The following FAM13B variants were observed in gnomAD, a reference collection of about 807,000 sequenced individuals.
FAM13B encodes family with sequence similarity 13 member B, also known as protein FAM13B.
A neutral mutation model predicts 117.3 loss-of-function variants in FAM13B; 60 were observed. The observed-to-expected ratio is 0.51, with a 90% CI of 0.42 to 0.63. FAM13B has a LOEUF of 0.63. Among genes scored for constraint, FAM13B ranks in the 30% least tolerant of loss-of-function variants. The pLI, the probability that FAM13B is intolerant of heterozygous loss-of-function variation, is 0.00. For missense variants in FAM13B, 972 were observed against 1,091.9 expected, an observed-to-expected ratio of 0.89 and a Z score of 1.55; for synonymous variants, 332 against 356.1, an observed-to-expected ratio of 0.93 and a Z score of 0.76.
intron 4 of FAM13B, among the ~76,000 whole-genome samples, chr5:138,016,610 G>A (rs934506071): frequency 6.6e-6 from 1 of 152,060 alleles, no homozygotes; most frequent in Admixed American, 6.6e-5. Flanking sequence ...CTCCAGCCTG[G>A]GCGACAGAGC....
chr5:137,972,195 T>C (rs1323152655), intron 10 of FAM13B, among the ~76,000 whole-genome samples: 6 of 149,252 alleles, frequency 4.0e-5, no homozygotes, highest in African/African-American at 1.2e-4. Context: ...TTGATGAACA[T>C]TGATGCAAAA....
At position 137,938,300 on chromosome 5, in the gene FAM13B, A is replaced by G. The variant is rs1760731679; in HGVS notation, c.*1925T>C. 6.6e-6 allele frequency: 1 copy of G among 152,628 alleles called. No homozygotes were observed. Among genetic ancestry groups the G allele is most frequent in the South Asian group, 2.1e-4 (1 of 4,828 alleles). 9.5% of individuals were successfully genotyped at this position (152,628 alleles called of 1,614,324 possible). On this transcript the variant is annotated 3_prime_UTR_variant, in exon 24 of 24. Transcript: ENST00000689681. ...TTATAAAAATATGGTACTCATATAG[A>G]TTTAGCATTATAAAGAAGGAATATA...
Position 137,999,252 on chromosome 5 carries a change from C to A in FAM13B, c.848+7738G>T, listed in dbSNP as rs77201680. ...CCTCAGCCTCTTGAGTCACTGGGAC[C>A]ACAGCACATGACACTATGCCCAGCT... On this transcript the variant is annotated intron_variant, in intron 7 of 23. Coordinates refer to ENST00000689681, the MANE Select transcript of FAM13B (RefSeq NM_001385994.1). 5.3e-5 allele frequency among the ~76,000 whole-genome samples: 8 copies of A among 152,068 alleles called. No individual in the cohort carries two copies. The East Asian group carries it at 1.5e-3, about 29-fold the overall frequency.
rs36001323 is a variant in FAM13B at position 138,026,938 on chromosome 5, C to CAAATAAATAAAT, written c.-202-5753_-202-5742dup. ...TGGGCAACAAAGAAAGACTCCATCT[C>CAAATAAATAAAT]AAATAAATAAATAAATAAATAAATA... On this transcript the variant is annotated intron_variant, in intron 1 of 23. Transcript: ENST00000689681. Among the ~76,000 whole-genome samples, 481 of 137,426 alleles carry CAAATAAATAAAT rather than the reference C, an allele frequency of 3.5e-3. 2 individuals are homozygous for CAAATAAATAAAT. The highest frequency in any genetic ancestry group is 4.3e-3 in the South Asian group (18 of 4,224). 90.2% of individuals were successfully genotyped at this position (137,426 alleles called of 152,430 possible).
chr5:137,958,794 A>C (rs1767293189), intron 13 of FAM13B, among the ~76,000 whole-genome samples: 1 of 152,238 alleles, frequency 6.6e-6, no homozygotes, highest in African/African-American at 2.4e-5. Flanking sequence ...CTGAATATCC[A>C]TATACCAATC....
intron 20 of FAM13B, among the ~76,000 whole-genome samples, chr5:137,945,392 G>C (rs1432267158): frequency 6.6e-6 from 1 of 152,050 alleles, no homozygotes; most frequent in Non-Finnish European, 1.5e-5. Flanking sequence ...ATACCAATAA[G>C]CATTATTTTA....
intron 1 of FAM13B, among the ~76,000 whole-genome samples, chr5:138,023,198 G>C (rs1338662828): frequency 6.6e-6 from 1 of 152,124 alleles, no homozygotes; most frequent in East Asian, 1.9e-4. Context: ...GGCTGGGTAG[G>C]AATCTATGAA....
intron 7 of FAM13B, among the ~76,000 whole-genome samples, chr5:137,988,974 C>T (rs115249820): frequency 0.013 from 1,918 of 152,268 alleles, 31 homozygotes; most frequent in African/African-American, 0.041. Flanking sequence ...ATTAGTTGTA[C>T]TGGATTTAGG....
intron 9 of FAM13B, among the ~76,000 whole-genome samples, chr5:137,985,736 C>A (rs566290935): frequency 2.2e-4 from 33 of 152,306 alleles, no homozygotes; most frequent in African/African-American, 7.2e-4. Flanking sequence ...AAGTCCAGTA[C>A]TAGACACTAC....
At chr5:138,009,896 A>T (rs1231381070) in intron 6 of FAM13B, among the ~76,000 whole-genome samples, 2 of 152,130 alleles carry the variant, frequency 1.3e-5, no homozygotes, top group Admixed American at 6.5e-5. Context: ...ATCAAAAAAA[A>T]TTTTTAAAGA....
In FAM13B at chr5:137,953,526, T is replaced by C. The variant is rs546115481; in HGVS notation, c.1719-61A>G. On this transcript the variant is annotated intron_variant, in intron 15 of 23. Transcript: ENST00000689681. The stretch of plus-strand genomic sequence containing the variant: ...TCAAGTACCAACACTGTATCTCTTA[T>C]TGCCCTGACATGGCACTATTAGCAA... 138 of 1,553,668 alleles carry C rather than the reference T, an allele frequency of 8.9e-5. 2 individuals carry two copies. In the African/African-American group the frequency reaches 1.7e-3, roughly 19 times the overall value.
intron 4 of FAM13B, among the ~76,000 whole-genome samples, chr5:138,012,920 T>C (rs527341966): frequency 2.0e-5 from 3 of 151,960 alleles, no homozygotes; most frequent in Non-Finnish European, 4.4e-5. Context: ...AAAAAAAAAT[T>C]TGGCCTTGTA....
At chr5:137,981,361 T>C (rs1049418364) in intron 10 of FAM13B, among the ~76,000 whole-genome samples, 1 of 151,966 alleles carries the variant, frequency 6.6e-6, no homozygotes, top group African/African-American at 2.4e-5. Flanking sequence ...GGTAGGAAAA[T>C]CGCTTGAGGC....
intron 10 of FAM13B, among the ~76,000 whole-genome samples, chr5:137,973,585 C>A (rs1342757751): frequency 6.6e-6 from 1 of 152,182 alleles, no homozygotes; most frequent in Non-Finnish European, 1.5e-5. Flanking sequence ...AAAGCAACGG[C>A]AACAAAAGCC....
At chr5:137,999,355 A>G (rs1310482743) in intron 7 of FAM13B, among the ~76,000 whole-genome samples, 1 of 152,142 alleles carries the variant, frequency 6.6e-6, no homozygotes, top group African/African-American at 2.4e-5. Flanking sequence ...AAGTGGGCAG[A>G]TCATGAGGTC....
chr5:137,985,658 G>T (rs115622953), intron 9 of FAM13B, among the ~76,000 whole-genome samples: 1 of 151,984 alleles, frequency 6.6e-6, no homozygotes, highest in Non-Finnish European at 1.5e-5. Context: ...TTTATGGGCC[G>T]AAATAATCAT....
intron 12 of FAM13B, 103 bp from the exon 13 acceptor site, chr5:137,959,866 T>C (rs1767653692): frequency 8.6e-7 from 1 of 1,156,646 alleles, no homozygotes; most frequent in South Asian, 1.5e-5. Flanking sequence ...ATTAGTTTAC[T>C]GTGCCTATAC....
intron 4 of FAM13B, among the ~76,000 whole-genome samples, chr5:138,015,041 T>C (rs1194017943): frequency 6.6e-6 from 1 of 152,218 alleles, no homozygotes; most frequent in Non-Finnish European, 1.5e-5. Flanking sequence ...CAAAACACAA[T>C]GTATAAGCAG....
intron 20 of FAM13B, among the ~76,000 whole-genome samples, chr5:137,943,848 ACT>A (rs1315900844): frequency 2.0e-5 from 3 of 152,066 alleles, no homozygotes; most frequent in Non-Finnish European, 4.4e-5. Flanking sequence ...ACCATTCTAT[ACT>A]CTTTTTTAAA....
Sources: gnomAD v4.1 joint callset for allele counts (sites outside exome capture counted in the v4.1 genomes callset) on GRCh38, gnomAD v4.1.1 for gene constraint, MANE v1.5 for transcripts, NCBI Gene and HGNC (gene_info 2026-07-23, HGNC 2026-07-21) for gene names.